The following FAM216B variants were observed in gnomAD, a reference collection of about 807,000 sequenced individuals.
FAM216B encodes family with sequence similarity 216 member B.
A neutral mutation model predicts 12.9 loss-of-function variants in FAM216B; 11 were observed. The observed-to-expected ratio is 0.86, with a 90% CI of 0.54 to 1.42. FAM216B has a LOEUF of 1.42. FAM216B is among the 40% of genes most tolerant of loss of function. The pLI, the probability that FAM216B is intolerant of heterozygous loss-of-function variation, is 0.00. For synonymous variants in FAM216B, 52 were observed against 57.2 expected (o/e 0.91, Z 0.41); for missense variants, 167 against 162.9 (o/e 1.02, Z -0.14).
chr13:42,783,006 T>A lies in FAM216B; in HGVS notation c.-14-1048T>A, dbSNP rs539161789. Among the ~76,000 whole-genome samples the A allele has an allele frequency of 6.6e-5, 10 of 150,526 alleles. No individual in the cohort carries two copies. In the East Asian group the frequency reaches 9.7e-4, roughly 15 times the overall value. On this transcript the variant is annotated intron_variant, in intron 1 of 3. Coordinates refer to ENST00000313851, the MANE Select transcript of FAM216B (RefSeq NM_001318932.2). ...ACACAATGTACACAGAAAAAAAAAA[T>A]AAATAAATAAAAGGAAAGTGAAGCT...
chr13:42,784,836 AAAAT>A (rs58613242), intron 2 of FAM216B, among the ~76,000 whole-genome samples: 1 of 147,222 alleles, frequency 6.8e-6, no homozygotes, highest in African/African-American at 2.5e-5. Flanking sequence ...TCCGTCTCAA[AAAAT>A]AAATAAATAA....
In FAM216B at chr13:42,790,168, G is replaced by A. The variant is rs1169011660; in HGVS notation, c.*1378G>A. Reference sequence around the variant, plus strand: ...GAGAAATTGTTACATAGGCTTAGAAGAAGAAAAGACTCCAGTGGGACTGGG... The same window carrying A: ...GAGAAATTGTTACATAGGCTTAGAAAAAGAAAAGACTCCAGTGGGACTGGG... On this transcript the variant is annotated 3_prime_UTR_variant, in exon 4 of 4. Coordinates refer to ENST00000313851, the MANE Select transcript of FAM216B (RefSeq NM_001318932.2). 1 of 152,210 alleles carries A rather than the reference G, an allele frequency of 6.6e-6. No individual in the cohort carries two copies. The highest frequency in any genetic ancestry group is 6.5e-5 in the Admixed American group (1 of 15,274). 9.4% of individuals were successfully genotyped at this position (152,210 alleles called of 1,614,324 possible).
intron 2 of FAM216B, among the ~76,000 whole-genome samples, chr13:42,784,943 T>C (rs1414351227): frequency 6.6e-6 from 1 of 152,166 alleles, no homozygotes; most frequent in Non-Finnish European, 1.5e-5. Context: ...ATGTTACCTG[T>C]TACTTCTCAT....
At chr13:42,783,140 C>T (rs1337635941) in intron 1 of FAM216B, among the ~76,000 whole-genome samples, 1 of 152,060 alleles carries the variant, frequency 6.6e-6, no homozygotes. Flanking sequence ...GAGATCTTAT[C>T]TCTACTAACA....
chr13:42,786,991 T>C, intron 3 of FAM216B, 108 bp downstream of exon 3: 1 of 1,503,490 alleles, frequency 6.7e-7, no homozygotes, highest in South Asian at 1.3e-5. Context: ...TCTACTGGCG[T>C]GCTATTTTAT....
chr13:42,786,762 G>C lies in FAM216B; in HGVS notation c.100-1G>C. 4 of 1,613,814 alleles carry C rather than the reference G, an allele frequency of 2.5e-6. No homozygotes were observed. Among genetic ancestry groups the C allele is most frequent in the Non-Finnish European group, 3.4e-6 (4 of 1,179,860 alleles). On this transcript the variant is annotated splice_acceptor_variant, in intron 2 of 3. Transcript: ENST00000313851. LOFTEE classifies it high-confidence loss of function. ...CAAAATCACCTGTTCTGTTCCAACA[G>C]GCCCTCAACCAAGGGCAACAGCGCT...
chr13:42,786,990 G>A lies in FAM216B; in HGVS notation c.220+107G>A, dbSNP rs557836050. 83 of 1,506,018 alleles carry A rather than the reference G, an allele frequency of 5.5e-5. No individual in the cohort carries two copies. The African/African-American group carries it at 8.2e-4, about 15-fold the overall frequency. 93.3% of individuals were successfully genotyped at this position (1,506,018 alleles called of 1,614,324 possible). A position where few individuals can be genotyped will look rare whatever the true frequency, so the allele number is the denominator to read the frequency against. On this transcript the variant is annotated intron_variant, in intron 3 of 3. Transcript: ENST00000313851. ...TTCAAGCACAATGGCATCTACTGGC[G>A]TGCTATTTTATCAACATAGCTGGTT...
chr13:42,782,893 C>A (rs1873914912), intron 1 of FAM216B, among the ~76,000 whole-genome samples: 1 of 149,876 alleles, frequency 6.7e-6, no homozygotes, highest in Non-Finnish European at 1.5e-5. Flanking sequence ...ACTACACTGC[C>A]ACTAAAAATC....
chr13:42,788,823 G>C lies in FAM216B; in HGVS notation c.*33G>C. Reference sequence around the variant, plus strand: ...CAGCATTTTCAGAAACAGGAAGTTTGCCCATGTATCCCTGGTATCTAGTGG... The same window carrying C: ...CAGCATTTTCAGAAACAGGAAGTTTCCCCATGTATCCCTGGTATCTAGTGG... On this transcript the variant is annotated 3_prime_UTR_variant, in exon 4 of 4. Transcript: ENST00000313851. The C allele has an allele frequency of 6.3e-7, 1 of 1,585,786 alleles. No individual in the cohort carries two copies. The highest frequency in any genetic ancestry group is 8.6e-7 in the Non-Finnish European group (1 of 1,165,150).
At chr13:42,784,610 G>A (rs1439264099) in intron 2 of FAM216B, among the ~76,000 whole-genome samples, 1 of 141,266 alleles carries the variant, frequency 7.1e-6, no homozygotes, top group Admixed American at 7.8e-5. Context: ...GAGGTCAGGA[G>A]ATCGAGACCA....
intron 1 of FAM216B, 128 bp downstream of exon 1, chr13:42,781,792 T>A (rs1873866026): frequency 6.6e-6 from 1 of 152,236 alleles, no homozygotes; most frequent in Admixed American, 6.5e-5. Flanking sequence ...ATAGGTAAGA[T>A]AAATTTATTC....
rs1245329502 is a variant in FAM216B at position 42,790,491 on chromosome 13, T to TCA, written c.*1704_*1705dup. 1.3e-5 allele frequency: 2 copies of TCA among 152,132 alleles called. No individual in the cohort carries two copies. Among genetic ancestry groups the TCA allele is most frequent in the Non-Finnish European group, 2.9e-5 (2 of 68,016 alleles). 9.4% of individuals were successfully genotyped at this position (152,132 alleles called of 1,614,324 possible). A position where few individuals can be genotyped will look rare whatever the true frequency, so the allele number is the denominator to read the frequency against. ...GTAAGAGCAGATTGACAGGTGAATG[T>TCA]CACAGGTCCATAAGAAGGACAAATA... On this transcript the variant is annotated 3_prime_UTR_variant, in exon 4 of 4. Coordinates refer to ENST00000313851, the MANE Select transcript of FAM216B (RefSeq NM_001318932.2).
intron 1 of FAM216B, among the ~76,000 whole-genome samples, chr13:42,782,921 T>C (rs1873915619): frequency 6.6e-6 from 1 of 152,142 alleles, no homozygotes; most frequent in South Asian, 2.1e-4. Context: ...TAAGGAATAT[T>C]TAATGATCTG....
At chr13:42,787,599 C>T (rs534957353) in intron 3 of FAM216B, among the ~76,000 whole-genome samples, 3 of 152,304 alleles carry the variant, frequency 2.0e-5, no homozygotes, top group Admixed American at 2.0e-4. Flanking sequence ...CCTTTTCTTG[C>T]AGGAAATGCT....
chr13:42,787,012 G>A (rs7333433), intron 3 of FAM216B, 129 bp downstream of exon 3: 342,000 of 1,364,706 alleles, frequency 0.25, 43,488 homozygotes, highest in African/African-American at 0.33. Context: ...CAACATAGCT[G>A]GTTAGCCAAG....
intron 1 of FAM216B, 26 bp downstream of exon 1, chr13:42,781,690 C>CT (rs1873862362): frequency 2.0e-5 from 3 of 152,292 alleles, no homozygotes; most frequent in African/African-American, 7.2e-5. Context: ...GCAAATCTGT[C>CT]TTTTTGTTTC....
In FAM216B at chr13:42,784,172, G is replaced by GTTTTT. The variant is rs758021097; in HGVS notation, c.99+6_99+7insTTTTT. 25 of 809,032 alleles carry GTTTTT rather than the reference G, an allele frequency of 3.1e-5. No homozygotes were observed. Among genetic ancestry groups the GTTTTT allele is most frequent in the African/African-American group, 4.5e-5 (1 of 22,308 alleles). The allele number at this position is 809,032 out of a possible 1,614,324, so 50.1% of individuals were successfully genotyped here. On this transcript the variant is annotated splice_region_variant and intron_variant, in intron 2 of 3. Transcript: ENST00000313851. ...ATGACACTTCCTTACTAAAGGTATGGCTTTTTTTTTTTTTTTTTTTTCACA... is the reference window on the plus strand; with the variant it reads ...ATGACACTTCCTTACTAAAGGTATGGTTTTTCTTTTTTTTTTTTTTTTTTTTCACA...
chr13:42,784,167 G>A lies in FAM216B; in HGVS notation c.99+1G>A. The stretch of plus-strand genomic sequence containing the variant: ...CATCTATGACACTTCCTTACTAAAG[G>A]TATGGCTTTTTTTTTTTTTTTTTTT... On this transcript the variant is annotated splice_donor_variant, in intron 2 of 3. Coordinates refer to ENST00000313851, the MANE Select transcript of FAM216B (RefSeq NM_001318932.2). LOFTEE classifies it high-confidence loss of function. 1 of 1,052,650 alleles carries A rather than the reference G, an allele frequency of 9.5e-7. No individual in the cohort carries two copies. 65.2% of individuals were successfully genotyped at this position (1,052,650 alleles called of 1,614,324 possible). A position where few individuals can be genotyped will look rare whatever the true frequency, so the allele number is the denominator to read the frequency against.
rs1874262790 is a variant in FAM216B at position 42,790,176 on chromosome 13, G to T, written c.*1386G>T. 3 of 152,304 alleles carry T rather than the reference G, an allele frequency of 2.0e-5. No homozygotes were observed. The highest frequency in any genetic ancestry group is 6.5e-5 in the Admixed American group (1 of 15,284). 9.4% of individuals were successfully genotyped at this position (152,304 alleles called of 1,614,324 possible). The stretch of plus-strand genomic sequence containing the variant: ...GTTACATAGGCTTAGAAGAAGAAAA[G>T]ACTCCAGTGGGACTGGGATGAGCTG... On this transcript the variant is annotated 3_prime_UTR_variant, in exon 4 of 4. Transcript: ENST00000313851.
Sources: allele counts gnomAD v4.1 joint callset (sites outside exome capture counted in the v4.1 genomes callset), GRCh38; gene constraint gnomAD v4.1.1; transcripts MANE v1.5; gene names NCBI Gene and HGNC (gene_info 2026-07-23, HGNC 2026-07-21).